NSUN4: variants seen among roughly 807,000 people sequenced by gnomAD.
NSUN4 encodes NOP2/Sun RNA methyltransferase 4, also known as 5-cytosine rRNA methyltransferase NSUN4.
A neutral mutation model predicts 43.8 loss-of-function variants in NSUN4; 31 were observed. The observed-to-expected ratio is 0.71, with a 90% CI of 0.53 to 0.96. NSUN4 has a LOEUF of 0.96. Among genes scored for constraint, NSUN4 ranks in the 40% least tolerant of loss-of-function variants. The pLI is 0.00. For synonymous variants in NSUN4, 167 were observed against 184.1 expected, an observed-to-expected ratio of 0.91 and a Z score of 0.75; for missense variants, 439 against 475.6, an observed-to-expected ratio of 0.92 and a Z score of 0.72.
At position 46,360,764 on chromosome 1, in the gene NSUN4, A is replaced by G; in HGVS notation, c.814A>G (p.Ile272Val). The G allele has an allele frequency of 6.2e-7, 1 of 1,614,032 alleles. No homozygotes were observed. The highest frequency in any genetic ancestry group is 8.5e-7 in the Non-Finnish European group (1 of 1,179,920). ...RHSLHEEENN[I>V]FKRSRKKERQ... ...CTCCCTTCATGAGGAGGAGAACAAC[A>G]TCTTTAAGCGGTCAAGGAAGAAGGA... Residue 272 changes from isoleucine (I) to valine (V), a missense_variant, in exon 5 of 6, where the codon ATC (isoleucine) becomes GTC (valine). Transcript: ENST00000474844.
At chr1:46,342,338 A>T (rs1292254174) in intron 1 of NSUN4, 4 of 398,442 alleles carry the variant, frequency 1.0e-5, no homozygotes. Flanking sequence ...GTGGCTTCCC[A>T]CTCTCTTCTC....
At chr1:46,369,668 G>A (rs150534406), downstream of NSUN4, among the ~76,000 whole-genome samples, 19 of 152,262 alleles carry the variant, frequency 1.2e-4, no homozygotes, top group South Asian at 2.1e-4. Flanking sequence ...GGAACAGTTC[G>A]TGTGAATGTG....
downstream of NSUN4, among the ~76,000 whole-genome samples, chr1:46,367,669 G>C (rs1022469196): frequency 6.6e-5 from 10 of 151,758 alleles, no homozygotes; most frequent in African/African-American, 2.2e-4. Flanking sequence ...AGCAAATCCA[G>C]AGTCAGCTGA....
At chr1:46,368,749 G>A (rs1557748559), downstream of NSUN4, among the ~76,000 whole-genome samples, 1 of 152,166 alleles carries the variant, frequency 6.6e-6, no homozygotes, top group Non-Finnish European at 1.5e-5. Flanking sequence ...TCATTCATCT[G>A]CTTATAATTC....
At chr1:46,347,329 T>G (rs1055494323) in intron 3 of NSUN4, among the ~76,000 whole-genome samples, 5 of 152,236 alleles carry the variant, frequency 3.3e-5, no homozygotes, top group African/African-American at 1.2e-4. Flanking sequence ...TACCAGCTAC[T>G]CAGGAGGCTG....
chr1:46,360,384 G>C (rs1039643411), intron 4 of NSUN4, among the ~76,000 whole-genome samples: 1 of 147,258 alleles, frequency 6.8e-6, no homozygotes, highest in Admixed American at 6.8e-5. Context: ...AATGACCTAT[G>C]ATCACATCAC....
intron 4 of NSUN4, among the ~76,000 whole-genome samples, chr1:46,356,966 T>C (rs1398626930): frequency 5.3e-5 from 8 of 152,192 alleles, no homozygotes; most frequent in Admixed American, 4.6e-4. Flanking sequence ...ATACAAATAA[T>C]ATTTGTTAGA....
the NSUN4 span, among the ~76,000 whole-genome samples, chr1:46,371,617 T>C: frequency 6.6e-6 from 1 of 152,176 alleles, no homozygotes; most frequent in Non-Finnish European, 1.5e-5. Flanking sequence ...AATTTTTGTA[T>C]TTTTAGTAGA....
chr1:46,384,707 C>G, the NSUN4 span, among the ~76,000 whole-genome samples: 5 of 152,084 alleles, frequency 3.3e-5, no homozygotes, highest in African/African-American at 1.2e-4. Flanking sequence ...GATAATGGCA[C>G]TTGCTTGACT....
At chr1:46,348,960 A>G (rs1041767949) in intron 3 of NSUN4, among the ~76,000 whole-genome samples, 8 of 150,922 alleles carry the variant, frequency 5.3e-5, no homozygotes, top group African/African-American at 1.9e-4. Context: ...GATTACAGGC[A>G]CCCACCACCA....
intron 3 of NSUN4, among the ~76,000 whole-genome samples, chr1:46,348,251 C>G (rs1202407384): frequency 6.6e-6 from 1 of 152,220 alleles, no homozygotes; most frequent in Non-Finnish European, 1.5e-5. Context: ...TTTTGACTTT[C>G]AAGCCTCAGC....
chr1:46,382,032 C>T, the NSUN4 span, among the ~76,000 whole-genome samples: 2 of 152,328 alleles, frequency 1.3e-5, no homozygotes, highest in South Asian at 4.1e-4. Flanking sequence ...TCTTCCATTA[C>T]CAACCAAGTC....
chr1:46,381,489 A>G, the NSUN4 span, among the ~76,000 whole-genome samples: 1 of 152,170 alleles, frequency 6.6e-6, no homozygotes, highest in Admixed American at 6.5e-5. Flanking sequence ...TATATTTAAT[A>G]TGCGCCCAGG....
rs753428361 is a variant in NSUN4, at chr1:46,362,900, G to A, written c.*1054G>A. On this transcript the variant is annotated 3_prime_UTR_variant, in exon 6 of 6. Coordinates refer to ENST00000474844, the MANE Select transcript of NSUN4 (RefSeq NM_199044.4). ...ACTGCATACTCGATATGTTGTTTTTGTAACTTTAGCCAAAAGAAAGTAACC... is the reference window on the plus strand; with the variant it reads ...ACTGCATACTCGATATGTTGTTTTTATAACTTTAGCCAAAAGAAAGTAACC... The A allele has an allele frequency of 2.0e-5, 3 of 151,804 alleles. No individual in the cohort carries two copies. The highest frequency in any genetic ancestry group is 4.4e-5 in the Non-Finnish European group (3 of 67,980). The allele number at this position is 151,804 out of a possible 1,614,324, so 9.4% of individuals were successfully genotyped here. A position where few individuals can be genotyped will look rare whatever the true frequency, so the allele number is the denominator to read the frequency against.
chr1:46,347,495 G>A (rs141190214), intron 3 of NSUN4, among the ~76,000 whole-genome samples: 38 of 152,274 alleles, frequency 2.5e-4, no homozygotes, highest in African/African-American at 8.9e-4. Context: ...AGAGTGGAGG[G>A]TAGTACTTAC....
the NSUN4 span, among the ~76,000 whole-genome samples, chr1:46,372,319 A>AT: frequency 1.4e-3 from 217 of 150,032 alleles, 4 homozygotes; most frequent in African/African-American, 5.0e-3. Context: ...TTTTTTTTGT[A>AT]TTTTTAGTAG....
chr1:46,362,563 C>G lies in NSUN4; in HGVS notation c.*717C>G, dbSNP rs1663948603. ...GTGCGTGCCTTGTTCTTTGTTCATTCATCTAGCAGGTATTCCCAGACCTCG... is the reference window on the plus strand; with the variant it reads ...GTGCGTGCCTTGTTCTTTGTTCATTGATCTAGCAGGTATTCCCAGACCTCG... On this transcript the variant is annotated 3_prime_UTR_variant, in exon 6 of 6. Coordinates refer to ENST00000474844, the MANE Select transcript of NSUN4 (RefSeq NM_199044.4). 6.6e-6 allele frequency: 1 copy of G among 152,230 alleles called. No individual in the cohort carries two copies. The highest frequency in any genetic ancestry group is 2.1e-4 in the South Asian group (1 of 4,824). The allele number at this position is 152,230 out of a possible 1,614,324, so 9.4% of individuals were successfully genotyped here.
the NSUN4 span, among the ~76,000 whole-genome samples, chr1:46,382,545 A>C: frequency 2.0e-5 from 3 of 152,176 alleles, no homozygotes; most frequent in Admixed American, 6.5e-5. Context: ...TATGGGACAC[A>C]AGTTATTTAA....
At chr1:46,372,443 G>A in the NSUN4 span, among the ~76,000 whole-genome samples, 221 of 151,662 alleles carry the variant, frequency 1.5e-3, no homozygotes, top group African/African-American at 4.1e-3. Flanking sequence ...GCACCTGGCC[G>A]CCTTTTTACT....
Sources: gnomAD v4.1 joint callset for allele counts (sites outside exome capture counted in the v4.1 genomes callset) on GRCh38, gnomAD v4.1.1 for gene constraint, MANE v1.5 for transcripts, NCBI Gene and HGNC (gene_info 2026-07-23, HGNC 2026-07-21) for gene names.